The following DISP1 variants were observed in gnomAD, a reference collection of about 807,000 sequenced individuals.
The protein encoded by DISP1 is protein dispatched homolog 1.
DISP1 carries 30 observed loss-of-function variants against 37.3 expected under a neutral mutation model. The observed-to-expected ratio is 0.80, with a 90% confidence interval of 0.60 to 1.09. DISP1 has a LOEUF of 1.09. DISP1 is among the 50% of genes least tolerant of loss of function. DISP1 has a pLI of 0.00. For missense variants in DISP1, 1,598 were observed against 1,879.5 expected, an observed-to-expected ratio of 0.85 and a Z score of 2.77; for synonymous variants, 634 against 690.2, an observed-to-expected ratio of 0.92 and a Z score of 1.28.
At chr1:222,999,748 T>C (rs1679308782) in intron 8 of DISP1, among the ~76,000 whole-genome samples, 1 of 152,130 alleles carries the variant, frequency 6.6e-6, no homozygotes. Flanking sequence ...GTACAGACAA[T>C]TCCTTGAACT....
intron 1 of DISP1, among the ~76,000 whole-genome samples, chr1:222,858,541 G>C (rs920176331): frequency 5.9e-5 from 9 of 152,006 alleles, no homozygotes; most frequent in Admixed American, 1.3e-4. Flanking sequence ...GAGTGAACAG[G>C]CAACCTGTAG....
chr1:222,834,528 G>A (rs138946202), intron 1 of DISP1, among the ~76,000 whole-genome samples: 55 of 152,248 alleles, frequency 3.6e-4, no homozygotes, highest in Non-Finnish European at 4.6e-4. Flanking sequence ...CCATAAAGGC[G>A]TACACGAGGT....
At chr1:223,000,655 G>T (rs1449601513) in intron 8 of DISP1, among the ~76,000 whole-genome samples, 1 of 152,084 alleles carries the variant, frequency 6.6e-6, no homozygotes, top group Non-Finnish European at 1.5e-5. Context: ...CAATTCCACA[G>T]TCTCAACACA....
At chr1:222,962,314 TG>T (rs1676130460) in intron 3 of DISP1, among the ~76,000 whole-genome samples, 1 of 152,194 alleles carries the variant, frequency 6.6e-6, no homozygotes, top group Non-Finnish European at 1.5e-5. Context: ...TCCATGCTCA[TG>T]GATAGGAAGA....
chr1:222,973,445 CTT>C (rs1395428439), intron 3 of DISP1, among the ~76,000 whole-genome samples: 1 of 151,992 alleles, frequency 6.6e-6, no homozygotes. Flanking sequence ...TGTTTTGAAA[CTT>C]ATTATTTTGT....
At chr1:222,891,396 T>G (rs960810491) in intron 1 of DISP1, among the ~76,000 whole-genome samples, 1 of 152,168 alleles carries the variant, frequency 6.6e-6, no homozygotes, top group African/African-American at 2.4e-5. Flanking sequence ...AGATAGAAAT[T>G]TCTTTCTATA....
At chr1:222,844,101 C>A (rs1667765298) in intron 1 of DISP1, among the ~76,000 whole-genome samples, 1 of 152,116 alleles carries the variant, frequency 6.6e-6, no homozygotes, top group Admixed American at 6.5e-5. Context: ...TTCCTAAAAT[C>A]TCATCATATC....
chr1:223,004,569 G>C lies in DISP1; in HGVS notation c.3172G>C (p.Val1058Leu). The stretch of plus-strand genomic sequence containing the variant: ...TGTAGACTTTGCCGTCCATTATGGG[G>C]TTGCCTACCGCTTGGCTCCAGATCC... ...LSVDFAVHYG[V>L]AYRLAPDPDR... The change falls in exon 9 of 9, where the codon GTT becomes CTT. Residue 1058 changes from valine to leucine, a missense_variant. Transcript: ENST00000675850. The surrounding 1 kb of genome is among the most constrained non-coding windows in gnomAD (Gnocchi z 4.9). 1 of 1,614,176 alleles carries C rather than the reference G, an allele frequency of 6.2e-7. No individual in the cohort carries two copies. Among genetic ancestry groups the C allele is most frequent in the Non-Finnish European group, 8.5e-7 (1 of 1,180,046 alleles).
intron 3 of DISP1, chr1:222,945,807 A>C (rs1049853352): frequency 6.6e-6 from 1 of 152,340 alleles, no homozygotes; most frequent in Admixed American, 6.5e-5. Context: ...TGTTATCTAA[A>C]GAGAAAGAAT....
chr1:222,902,135 G>T (rs1019325311), intron 1 of DISP1, among the ~76,000 whole-genome samples: 3 of 151,678 alleles, frequency 2.0e-5, no homozygotes, highest in Non-Finnish European at 4.4e-5. Flanking sequence ...TTTTTGAAGG[G>T]TTTTTTGTGT....
intron 1 of DISP1, among the ~76,000 whole-genome samples, chr1:222,835,502 A>G (rs1666814678): frequency 6.6e-6 from 1 of 152,148 alleles, no homozygotes; most frequent in Non-Finnish European, 1.5e-5. Flanking sequence ...TTCCCAAATG[A>G]TTTTAAATGT....
intron 1 of DISP1, among the ~76,000 whole-genome samples, chr1:222,854,743 C>CTT (rs11389911): frequency 7.0e-6 from 1 of 142,720 alleles, no homozygotes; most frequent in African/African-American, 2.6e-5. Context: ...CAGTGTTTTG[C>CTT]TTTTTTTTTT....
chr1:222,852,385 G>A (rs186169575), intron 1 of DISP1, among the ~76,000 whole-genome samples: 9 of 149,954 alleles, frequency 6.0e-5, no homozygotes, highest in Admixed American at 5.3e-4. Flanking sequence ...TTTTGTTTTT[G>A]TGGTAGAGAC....
chr1:222,951,728 T>C (rs1250347425), intron 3 of DISP1, among the ~76,000 whole-genome samples: 1 of 152,196 alleles, frequency 6.6e-6, no homozygotes, highest in African/African-American at 2.4e-5. Flanking sequence ...AAGTGTTAGG[T>C]GCTGGAGACA....
intron 3 of DISP1, among the ~76,000 whole-genome samples, chr1:222,957,064 TC>T (rs1675651764): frequency 6.6e-6 from 1 of 151,168 alleles, no homozygotes; most frequent in Admixed American, 6.6e-5. Context: ...CAAAGCTTTT[TC>T]AATCATTTAA....
chr1:222,887,486 G>GTTTTTTTTTTT (rs940346379), intron 1 of DISP1, among the ~76,000 whole-genome samples: 37 of 83,096 alleles, frequency 4.5e-4, no homozygotes, highest in East Asian at 7.6e-4. Flanking sequence ...CATTGTTTTT[G>GTTTTTTTTTTT]TTTTTTTTTT....
At chr1:222,829,433 G>T (rs917529261) in intron 1 of DISP1, among the ~76,000 whole-genome samples, 34 of 149,200 alleles carry the variant, frequency 2.3e-4, no homozygotes. Flanking sequence ...TACTTCATCA[G>T]TTCTCTTTGA....
chr1:222,901,829 T>C (rs1012018652), intron 1 of DISP1, among the ~76,000 whole-genome samples: 33 of 152,302 alleles, frequency 2.2e-4, no homozygotes, highest in African/African-American at 6.7e-4. Flanking sequence ...CCAATACTTA[T>C]AGATTTTTGT....
intron 2 of DISP1, among the ~76,000 whole-genome samples, chr1:222,934,990 T>A (rs1673632180): frequency 6.6e-6 from 1 of 152,190 alleles, no homozygotes; most frequent in African/African-American, 2.4e-5. Flanking sequence ...TTATTTTTCT[T>A]CATTCTGCTT....
Sources: allele counts gnomAD v4.1 joint callset (sites outside exome capture counted in the v4.1 genomes callset), GRCh38; gene constraint gnomAD v4.1.1; non-coding constraint Gnocchi (gnomAD v3.1); transcripts MANE v1.5; gene names NCBI Gene and HGNC (gene_info 2026-07-23, HGNC 2026-07-21).